Variants in IGF1R observed in about 807,000 individuals in gnomAD.
The protein encoded by IGF1R is insulin like growth factor 1 receptor, also known as insulin-like growth factor 1 receptor.
Under a neutral mutation model 144.6 loss-of-function variants are expected in IGF1R, and 44 were observed. The observed-to-expected ratio is 0.30, with a 90% CI of 0.24 to 0.39. IGF1R has a LOEUF of 0.39. Among genes scored for constraint, IGF1R ranks in the 10% least tolerant of loss-of-function variants. IGF1R has a pLI of 1.00. For synonymous variants in IGF1R, 795 were observed against 722.8 expected, an observed-to-expected ratio of 1.10 and a Z score of -1.60; for missense variants, 1,355 against 1,833.7, an observed-to-expected ratio of 0.74 and a Z score of 4.77.
chr15:98,952,172 A>G (rs984285976), intron 20 of IGF1R, among the ~76,000 whole-genome samples: 2 of 152,152 alleles, frequency 1.3e-5, no homozygotes, highest in Non-Finnish European at 2.9e-5. Context: ...CTCAGAAGTC[A>G]CACTGAGGCT....
At chr15:98,801,460 G>A (rs750642066) in intron 2 of IGF1R, among the ~76,000 whole-genome samples, 34 of 152,212 alleles carry the variant, frequency 2.2e-4, no homozygotes, top group Non-Finnish European at 3.7e-4. Flanking sequence ...GGGCAGCCTG[G>A]TTACAGCTGC....
At chr15:98,795,281 G>A (rs553538788) in intron 2 of IGF1R, among the ~76,000 whole-genome samples, 3 of 152,296 alleles carry the variant, frequency 2.0e-5, no homozygotes, top group Admixed American at 1.3e-4. Context: ...TGACTTTGCC[G>A]TCTAGACTTA....
intron 1 of IGF1R, among the ~76,000 whole-genome samples, chr15:98,663,584 C>A (rs1057322745): frequency 6.6e-6 from 1 of 152,204 alleles, no homozygotes; most frequent in Non-Finnish European, 1.5e-5. Context: ...GAAACTGTTT[C>A]AGGTGAGCGC....
rs1005768035 is a variant in IGF1R at position 98,819,531 on chromosome 15, G to A, written c.641-71794G>A. 2.6e-5 allele frequency among the ~76,000 whole-genome samples: 4 copies of A among 152,230 alleles called. No individual in the cohort carries two copies. The East Asian group carries it at 7.8e-4, about 30-fold the overall frequency. ...GGAGCCCTCACAAGACACTGAATCT[G>A]CCAGTGCCTTGATCTTGGACTTCCC... On this transcript the variant is annotated intron_variant, in intron 2 of 20. Coordinates refer to ENST00000650285, the MANE Select transcript of IGF1R (RefSeq NM_000875.5).
chr15:98,755,024 T>G (rs1328776797), intron 2 of IGF1R, among the ~76,000 whole-genome samples: 2 of 152,168 alleles, frequency 1.3e-5, no homozygotes, highest in Non-Finnish European at 2.9e-5. Context: ...TCTTTAAAAT[T>G]CTCTTTAATA....
Position 98,962,952 on chromosome 15 carries a change from T to A in IGF1R, c.*5510T>A, listed in dbSNP as rs2017282121. The A allele has an allele frequency of 8.6e-6, 2 of 233,632 alleles. No individual in the cohort carries two copies. The highest frequency in any genetic ancestry group is 1.7e-5 in the Non-Finnish European group (2 of 118,068). The allele number at this position is 233,632 out of a possible 1,614,324, so 14.5% of individuals were successfully genotyped here. On this transcript the variant is annotated 3_prime_UTR_variant, in exon 21 of 21. Coordinates refer to ENST00000650285, the MANE Select transcript of IGF1R (RefSeq NM_000875.5). ...AACATAACGATCACTCATTTTTATG[T>A]CCCACGTGTGTGTGTCCGCATCTTT...
intron 1 of IGF1R, among the ~76,000 whole-genome samples, chr15:98,698,529 A>T (rs1273901610): frequency 6.6e-6 from 1 of 152,200 alleles, no homozygotes; most frequent in Non-Finnish European, 1.5e-5. Context: ...AGTACCTATG[A>T]GCAGAATCCG....
At chr15:98,708,386 G>A (rs2053917144) in intron 2 of IGF1R, among the ~76,000 whole-genome samples, 1 of 152,326 alleles carries the variant, frequency 6.6e-6, no homozygotes, top group Non-Finnish European at 1.5e-5. Flanking sequence ...AAATAATCCA[G>A]CACACTCCTG....
At chr15:98,906,594 C>A (rs1394433347) in intron 5 of IGF1R, among the ~76,000 whole-genome samples, 1 of 152,220 alleles carries the variant, frequency 6.6e-6, no homozygotes, top group Non-Finnish European at 1.5e-5. Flanking sequence ...ATGGGGTCTA[C>A]CCCCAGCAAC....
At chr15:98,868,370 TGGGG>T (rs5814907) in intron 2 of IGF1R, among the ~76,000 whole-genome samples, 4 of 122,822 alleles carry the variant, frequency 3.3e-5, no homozygotes, top group African/African-American at 3.0e-5. Context: ...TTTTTTTTTT[TGGGG>T]GGGGGGTCCT....
chr15:98,650,851 A>G (rs1210178759), intron 1 of IGF1R: 11 of 962,562 alleles, frequency 1.1e-5, no homozygotes, highest in Non-Finnish European at 1.4e-5. Context: ...GTCTTTTGCA[A>G]TCTGATAGCT....
chr15:98,754,692 G>C (rs2055105141), intron 2 of IGF1R, among the ~76,000 whole-genome samples: 1 of 152,198 alleles, frequency 6.6e-6, no homozygotes, highest in Admixed American at 6.5e-5. Context: ...TTTTTGAGAG[G>C]AATGAGCTTG....
chr15:98,708,507 T>G (rs944249799), intron 2 of IGF1R, among the ~76,000 whole-genome samples: 1 of 152,226 alleles, frequency 6.6e-6, no homozygotes, highest in Non-Finnish European at 1.5e-5. Context: ...TGTCAGCTCT[T>G]TCATCCTTTG....
chr15:98,717,229 C>T (rs547843134), intron 2 of IGF1R, among the ~76,000 whole-genome samples: 64 of 152,250 alleles, frequency 4.2e-4, no homozygotes, highest in African/African-American at 1.5e-3. Context: ...GACAAAGCTG[C>T]CAGACCTCAC....
At chr15:98,676,493 T>C (rs2053050114) in intron 1 of IGF1R, among the ~76,000 whole-genome samples, 2 of 152,100 alleles carry the variant, frequency 1.3e-5, no homozygotes, top group South Asian at 4.1e-4. Context: ...TGTGGTAAAA[T>C]CATTTTGTCT....
At chr15:98,756,454 C>T (rs1233784420) in intron 2 of IGF1R, among the ~76,000 whole-genome samples, 4 of 151,768 alleles carry the variant, frequency 2.6e-5, no homozygotes, top group Non-Finnish European at 4.4e-5. Flanking sequence ...TTGAGTTTAT[C>T]GCACAGTTAT....
chr15:98,764,661 A>T (rs2055391567), intron 2 of IGF1R, among the ~76,000 whole-genome samples: 1 of 152,234 alleles, frequency 6.6e-6, no homozygotes, highest in Non-Finnish European at 1.5e-5. Flanking sequence ...ATAACCAGTA[A>T]GTTCTTCGTC....
chr15:98,714,031 C>T (rs2141269590), intron 2 of IGF1R, among the ~76,000 whole-genome samples: 2 of 152,298 alleles, frequency 1.3e-5, no homozygotes, highest in South Asian at 4.1e-4. Context: ...TTTCCTATTG[C>T]CCTCAAAATG....
Position 98,962,098 on chromosome 15 carries a change from C to T in IGF1R, c.*4656C>T, listed in dbSNP as rs1162967947. The T allele has an allele frequency of 2.6e-5, 6 of 233,158 alleles. No homozygotes were observed. In the East Asian group the frequency reaches 3.6e-4, roughly 14 times the overall value. The allele number at this position is 233,158 out of a possible 1,614,324, so 14.4% of individuals were successfully genotyped here. On this transcript the variant is annotated 3_prime_UTR_variant, in exon 21 of 21. Coordinates refer to ENST00000650285, the MANE Select transcript of IGF1R (RefSeq NM_000875.5). ...TGCAGGCTGGCAGCCGAATGGCTTG[C>T]CAGTGGCTCTGTGGCAAGATCACAC...
Sources: gnomAD v4.1 joint callset for allele counts (sites outside exome capture counted in the v4.1 genomes callset) on GRCh38, gnomAD v4.1.1 for gene constraint, MANE v1.5 for transcripts, NCBI Gene and HGNC (gene_info 2026-07-23, HGNC 2026-07-21) for gene names.